Variants in ROBO2 observed in about 807,000 individuals in gnomAD.
ROBO2 encodes roundabout guidance receptor 2, also known as roundabout homolog 2.
Under a neutral mutation model 160.8 loss-of-function variants are expected in ROBO2, and 53 were observed. The ratio of observed to expected loss-of-function variants is 0.33; its 90% CI spans 0.26 to 0.41. The LOEUF is 0.41. Ranked by LOEUF, ROBO2 falls within the 10% of genes least tolerant of loss-of-function variation. ROBO2 has a pLI of 1.00. For synonymous variants in ROBO2, 664 were observed against 611.7 expected, an observed-to-expected ratio of 1.09 and a Z score of -1.26; for missense variants, 1,577 against 1,722.4, an observed-to-expected ratio of 0.92 and a Z score of 1.49.
intron 2 of ROBO2, among the ~76,000 whole-genome samples, chr3:76,658,315 C>T (rs547798963): frequency 1.3e-5 from 2 of 151,840 alleles, no homozygotes; most frequent in South Asian, 4.1e-4. Flanking sequence ...TTATACTTTA[C>T]ACTTCCTATG....
chr3:76,222,384 G>A (rs531105695), intron 2 of ROBO2, among the ~76,000 whole-genome samples: 7 of 152,294 alleles, frequency 4.6e-5, no homozygotes, highest in African/African-American at 7.2e-5. Context: ...AGAGGGCCAA[G>A]TGGGTGACTT....
intron 2 of ROBO2, among the ~76,000 whole-genome samples, chr3:77,152,250 A>G (rs1317268885): frequency 6.6e-6 from 1 of 152,204 alleles, no homozygotes; most frequent in East Asian, 1.9e-4. Context: ...AGCCATATAA[A>G]TCATTTAAAA....
intron 5 of ROBO2, among the ~76,000 whole-genome samples, chr3:77,515,162 G>C (rs998959425): frequency 6.6e-6 from 1 of 151,610 alleles, no homozygotes; most frequent in Non-Finnish European, 1.5e-5. Context: ...ACAATTACAG[G>C]CCTATCCTTT....
chr3:77,078,388 G>A (rs1372841432), intron 1 of ROBO2, among the ~76,000 whole-genome samples: 1 of 152,060 alleles, frequency 6.6e-6, no homozygotes, highest in African/African-American at 2.4e-5. Flanking sequence ...TCATAACAGG[G>A]GGTAGGAGAT....
chr3:77,441,998 T>C (rs1429004106), intron 2 of ROBO2, among the ~76,000 whole-genome samples: 1 of 152,142 alleles, frequency 6.6e-6, no homozygotes, highest in Non-Finnish European at 1.5e-5. Flanking sequence ...TTCCTAAGTA[T>C]TAGTTAAAAT....
At chr3:76,434,716 C>G (rs958409129) in intron 2 of ROBO2, 1 of 1,074,174 alleles carries the variant, frequency 9.3e-7, no homozygotes, top group African/African-American at 1.5e-5. Context: ...GGCCCCCCTC[C>G]TCCCCCAGTC....
rs116244156 is a variant in ROBO2, at chr3:76,986,607, T to C, written c.110-111407T>C. ...ATATTACAATTTTTAAAAAACAGAT[T>C]CTTTTTTGAAATATTATAAAATTAA... On this transcript the variant is annotated intron_variant, in intron 2 of 26. Coordinates refer to the ROBO2 transcript ENST00000487694. Among the ~76,000 whole-genome samples, 895 of 152,194 alleles carry C rather than the reference T, an allele frequency of 5.9e-3. 11 individuals carry two copies. Among genetic ancestry groups the C allele is most frequent in the African/African-American group, 0.021 (856 of 41,538 alleles).
At chr3:76,829,681 T>TC (rs1402154671) in intron 2 of ROBO2, among the ~76,000 whole-genome samples, 1 of 151,678 alleles carries the variant, frequency 6.6e-6, no homozygotes, top group Non-Finnish European at 1.5e-5. Context: ...TTTTCTTTTT[T>TC]TTTTGAGATA....
At chr3:77,090,355 TTTTTTTTTTTTTTTTTG>T in intron 1 of ROBO2, among the ~76,000 whole-genome samples, 1 of 53,598 alleles carries the variant, frequency 1.9e-5, no homozygotes, top group African/African-American at 1.4e-4. Context: ...TTTTTTTTTT[TTTTTTTTTTTTTTTTTG>T]AGACGGAGTT....
chr3:77,454,112 A>C (rs1261452502), intron 2 of ROBO2, among the ~76,000 whole-genome samples: 2 of 140,688 alleles, frequency 1.4e-5, no homozygotes, highest in African/African-American at 2.7e-5. Context: ...AAGTCTTCTT[A>C]CTCTGGGCTT....
At chr3:76,937,020 A>AT (rs2077746509) in intron 2 of ROBO2, among the ~76,000 whole-genome samples, 1 of 114,936 alleles carries the variant, frequency 8.7e-6, no homozygotes, top group Non-Finnish European at 1.8e-5. Context: ...ACTGGTACTC[A>AT]TTATTGACCT....
At chr3:76,720,457 A>T (rs2093447462) in intron 2 of ROBO2, among the ~76,000 whole-genome samples, 1 of 152,204 alleles carries the variant, frequency 6.6e-6, no homozygotes, top group African/African-American at 2.4e-5. Flanking sequence ...CCTCAGGAAT[A>T]TGAGAAATCT....
At chr3:76,023,069 A>T (rs1177168284) in intron 2 of ROBO2, among the ~76,000 whole-genome samples, 1 of 151,754 alleles carries the variant, frequency 6.6e-6, no homozygotes, top group Non-Finnish European at 1.5e-5. Flanking sequence ...TTCCTTAAAA[A>T]TTATTAACCA....
At chr3:76,028,304 A>G (rs544636261) in intron 2 of ROBO2, among the ~76,000 whole-genome samples, 1 of 152,090 alleles carries the variant, frequency 6.6e-6, no homozygotes, top group African/African-American at 2.4e-5. Flanking sequence ...TCCATGAAAA[A>G]TCATAGGCTC....
chr3:77,631,800 T>C (rs1395595978), intron 23 of ROBO2: 1 of 152,066 alleles, frequency 6.6e-6, no homozygotes, highest in Non-Finnish European at 1.5e-5. Context: ...TTAATATAAA[T>C]ATCAGTATTA....
intron 2 of ROBO2, among the ~76,000 whole-genome samples, chr3:76,626,353 T>C (rs896902595): frequency 2.2e-4 from 34 of 152,110 alleles, no homozygotes; most frequent in African/African-American, 7.7e-4. Flanking sequence ...ATAGCAAACA[T>C]ATCTGGAGGC....
intron 2 of ROBO2, among the ~76,000 whole-genome samples, chr3:76,213,148 CAG>C (rs1703259360): frequency 1.3e-5 from 2 of 152,006 alleles, no homozygotes; most frequent in Non-Finnish European, 2.9e-5. Flanking sequence ...TGATACATAA[CAG>C]AAAGTTATCT....
intron 2 of ROBO2, among the ~76,000 whole-genome samples, chr3:76,629,508 A>T (rs2089892941): frequency 6.6e-6 from 1 of 152,156 alleles, no homozygotes; most frequent in South Asian, 2.1e-4. Flanking sequence ...ATGCAGAAAG[A>T]TGCAGGCCAA....
chr3:76,195,034 A>C (rs1702196773), intron 2 of ROBO2, among the ~76,000 whole-genome samples: 2 of 152,122 alleles, frequency 1.3e-5, no homozygotes, highest in African/African-American at 4.8e-5. Context: ...TTTTCCTCCC[A>C]AAAAGGGCAC....
Sources: allele counts gnomAD v4.1 joint callset (sites outside exome capture counted in the v4.1 genomes callset), GRCh38; gene constraint gnomAD v4.1.1; transcripts MANE v1.5; gene names NCBI Gene and HGNC (gene_info 2026-07-23, HGNC 2026-07-21).